HERC3: variants seen among roughly 807,000 people sequenced by gnomAD.
HERC3 encodes the protein probable E3 ubiquitin-protein ligase HERC3.
Under a neutral mutation model 129.9 loss-of-function variants are expected in HERC3, and 58 were observed. The observed-to-expected ratio is 0.45, with a 90% CI of 0.36 to 0.56. The LOEUF is 0.56. Ranked by LOEUF, HERC3 falls within the 20% of genes least tolerant of loss-of-function variation. HERC3 has a pLI of 0.00. For synonymous variants in HERC3, 430 were observed against 451.0 expected (o/e 0.95, Z 0.59); for missense variants, 835 against 1,244.2 (o/e 0.67, Z 4.95).
Position 88,668,033 on chromosome 4 carries a change from T to C in HERC3, c.1585T>C (p.Leu529=), listed in dbSNP as rs768504537. The C allele has an allele frequency of 1.2e-6, 2 of 1,613,626 alleles. No homozygotes were observed. Among genetic ancestry groups the C allele is most frequent in the Non-Finnish European group, 1.7e-6 (2 of 1,179,726 alleles). Residue 529 remains leucine, a synonymous_variant, in exon 14 of 26, where the codon TTG becomes CTG. Transcript: ENST00000402738. ...SKYYITLTIP[L]AMAILRLDTN... is the part of the protein sequence containing the mutation. The stretch of plus-strand genomic sequence containing the variant: ...GTATTATATAACATTGACTATTCCC[T>C]TGGCTATGGCCATTCTTCGGCTGGA...
chr4:88,632,600 CA>C, intron 3 of HERC3, among the ~76,000 whole-genome samples: 1 of 152,240 alleles, frequency 6.6e-6, no homozygotes, highest in South Asian at 2.1e-4. Flanking sequence ...GAAGAGGAAC[CA>C]AATACCATAA....
chr4:88,682,784 C>A (rs370131454), intron 21 of HERC3, among the ~76,000 whole-genome samples: 5 of 151,528 alleles, frequency 3.3e-5, no homozygotes, highest in African/African-American at 1.2e-4. Context: ...AATAAACATA[C>A]GTGTGCATGT....
chr4:88,684,344 C>A (rs886074381), intron 21 of HERC3, among the ~76,000 whole-genome samples: 6 of 152,068 alleles, frequency 3.9e-5, no homozygotes, highest in Non-Finnish European at 8.8e-5. Context: ...TTCGACAAAC[C>A]TGACAAAAAC....
intron 20 of HERC3, 40 bp downstream of exon 20, chr4:88,680,276 TA>T: frequency 6.6e-7 from 1 of 1,504,676 alleles, no homozygotes; most frequent in Non-Finnish European, 8.9e-7. Flanking sequence ...TGGATTAAAT[TA>T]AACTTTCTTT....
intron 10 of HERC3, among the ~76,000 whole-genome samples, chr4:88,659,518 A>G (rs1042815064): frequency 6.6e-6 from 1 of 152,230 alleles, no homozygotes; most frequent in Non-Finnish European, 1.5e-5. Context: ...TTTCCAGGTC[A>G]GGTGCCTGAA....
At chr4:88,576,696 AT>A in the HERC3 span, among the ~76,000 whole-genome samples, 2 of 152,046 alleles carry the variant, frequency 1.3e-5, no homozygotes, top group African/African-American at 4.8e-5. Context: ...GGCCTCTGCT[AT>A]TTTTTTGGAT....
At chr4:88,697,314 G>T in intron 23 of HERC3, 1 of 1,610,266 alleles carries the variant, frequency 6.2e-7, no homozygotes, top group South Asian at 1.1e-5. Flanking sequence ...CCTCCTCCTC[G>T]TCATCCTCGT....
chr4:88,592,136 C>G (rs1159870656), upstream of HERC3, among the ~76,000 whole-genome samples: 1 of 152,244 alleles, frequency 6.6e-6, no homozygotes, highest in Non-Finnish European at 1.5e-5. Flanking sequence ...AGTCCAGAAC[C>G]TGAATAGGCA....
At chr4:88,638,282 CA>C (rs57126850) in intron 3 of HERC3, among the ~76,000 whole-genome samples, 8,044 of 152,000 alleles carry the variant, frequency 0.053, 555 homozygotes, top group East Asian at 0.27. Flanking sequence ...GGCAGAGACA[CA>C]ACAAAAAAAA....
chr4:88,705,174 T>C (rs1316936808), intron 25 of HERC3, among the ~76,000 whole-genome samples: 5 of 152,202 alleles, frequency 3.3e-5, no homozygotes, highest in Non-Finnish European at 5.9e-5. Context: ...GCCTGATTTT[T>C]AAATTATTCT....
the HERC3 span, among the ~76,000 whole-genome samples, chr4:88,547,274 A>G: frequency 6.6e-6 from 1 of 152,210 alleles, no homozygotes; most frequent in Non-Finnish European, 1.5e-5. Flanking sequence ...AAAGTATAAC[A>G]AGTAGCTAAT....
intron 3 of HERC3, among the ~76,000 whole-genome samples, chr4:88,612,095 A>G (rs1234312937): frequency 1.3e-5 from 2 of 152,056 alleles, no homozygotes. Context: ...TTTTTTTGGG[A>G]TGCATTCTGT....
At chr4:88,655,371 T>G (rs1729771836) in intron 8 of HERC3, 67 bp downstream of exon 8, 14 of 1,557,488 alleles carry the variant, frequency 9.0e-6, no homozygotes, top group Non-Finnish European at 1.2e-5. Context: ...TTTGTAGTGA[T>G]GAAGAATGTG....
intron 3 of HERC3, among the ~76,000 whole-genome samples, chr4:88,649,332 T>G (rs975530248): frequency 6.6e-6 from 1 of 152,172 alleles, no homozygotes; most frequent in Non-Finnish European, 1.5e-5. Flanking sequence ...AGAGAGATCC[T>G]TCTGTTTCCT....
the HERC3 span, among the ~76,000 whole-genome samples, chr4:88,562,466 T>C: frequency 1.3e-5 from 2 of 152,194 alleles, no homozygotes; most frequent in Non-Finnish European, 2.9e-5. Flanking sequence ...GTCTCTTCAC[T>C]TTGTTGATTG....
At chr4:88,641,703 G>C (rs1728107648) in intron 3 of HERC3, among the ~76,000 whole-genome samples, 3 of 152,150 alleles carry the variant, frequency 2.0e-5, no homozygotes. Context: ...TAACAGCTTG[G>C]ATCAAATGGA....
intron 3 of HERC3, among the ~76,000 whole-genome samples, chr4:88,646,676 G>A (rs2149264304): frequency 6.6e-6 from 1 of 152,288 alleles, no homozygotes; most frequent in African/African-American, 2.4e-5. Flanking sequence ...ATGTTCCCAA[G>A]TGGGGCAGGG....
chr4:88,599,647 A>C (rs1432117867), intron 2 of HERC3, among the ~76,000 whole-genome samples: 1 of 152,210 alleles, frequency 6.6e-6, no homozygotes, highest in Non-Finnish European at 1.5e-5. Context: ...CCAAATTAAT[A>C]ATGAGAATTA....
intron 16 of HERC3, among the ~76,000 whole-genome samples, chr4:88,673,621 C>A (rs904501421): frequency 6.6e-6 from 1 of 152,012 alleles, no homozygotes; most frequent in Non-Finnish European, 1.5e-5. Flanking sequence ...CTTATCAGTT[C>A]GTATGCATCC....
Sources: allele counts gnomAD v4.1 joint callset (sites outside exome capture counted in the v4.1 genomes callset), GRCh38; gene constraint gnomAD v4.1.1; transcripts MANE v1.5; gene names NCBI Gene and HGNC (gene_info 2026-07-23, HGNC 2026-07-21).